The following UGGT2 variants were observed in gnomAD, a reference collection of about 807,000 sequenced individuals.
The protein encoded by UGGT2 is UDP-glucose glycoprotein glucosyltransferase 2.
Under a neutral mutation model 192.1 loss-of-function variants are expected in UGGT2, and 180 were observed. The observed-to-expected ratio is 0.94, with a 90% CI of 0.83 to 1.06. The LOEUF (loss-of-function observed/expected upper bound fraction) is 1.06. Among genes scored for constraint, UGGT2 ranks in the 50% least tolerant of loss-of-function variants. UGGT2 has a pLI of 0.00. For synonymous variants in UGGT2, 580 were observed against 591.0 expected (o/e 0.98, Z 0.27); for missense variants, 1,849 against 1,795.7 (o/e 1.03, Z -0.54).
At chr13:96,029,301 T>C (rs747310568) in intron 2 of UGGT2, among the ~76,000 whole-genome samples, 1 of 152,222 alleles carries the variant, frequency 6.6e-6, no homozygotes, top group Non-Finnish European at 1.5e-5. Context: ...TTATTTATTT[T>C]TTTGAGTCAG....
At chr13:95,915,415 C>T (rs2048650441) in intron 20 of UGGT2, among the ~76,000 whole-genome samples, 1 of 152,290 alleles carries the variant, frequency 6.6e-6, no homozygotes, top group South Asian at 2.1e-4. Flanking sequence ...TGCACGCTAC[C>T]CCTGCTAAAA....
chr13:95,882,401 G>C (rs954299301), intron 27 of UGGT2, among the ~76,000 whole-genome samples: 1 of 152,142 alleles, frequency 6.6e-6, no homozygotes, highest in African/African-American at 2.4e-5. Context: ...TTAGTATATG[G>C]TGGTAAATCT....
At chr13:95,960,760 T>A (rs939903608) in intron 12 of UGGT2, among the ~76,000 whole-genome samples, 2 of 152,112 alleles carry the variant, frequency 1.3e-5, no homozygotes, top group South Asian at 4.1e-4. Flanking sequence ...ACTGTCAAAA[T>A]TTAAAGAGAA....
intron 14 of UGGT2, among the ~76,000 whole-genome samples, chr13:95,947,580 A>G (rs1424386536): frequency 3.3e-5 from 5 of 151,876 alleles, no homozygotes; most frequent in Admixed American, 3.3e-4. Context: ...GCCTCCAGGT[A>G]GCTGGGACTA....
intron 19 of UGGT2, 92 bp from the exon 20 acceptor site, chr13:95,925,866 A>T: frequency 1.3e-6 from 1 of 766,838 alleles, no homozygotes; most frequent in Non-Finnish European, 1.9e-6. Flanking sequence ...CATTAAAAAA[A>T]ATTAAAATAA....
At chr13:95,975,026 A>G (rs948126921) in intron 10 of UGGT2, among the ~76,000 whole-genome samples, 6 of 152,192 alleles carry the variant, frequency 3.9e-5, no homozygotes, top group Non-Finnish European at 2.9e-5. Context: ...GGTTGCAGTG[A>G]GCTGAGATCG....
intron 15 of UGGT2, among the ~76,000 whole-genome samples, chr13:95,943,331 T>G (rs1404783724): frequency 6.6e-6 from 1 of 152,032 alleles, no homozygotes; most frequent in East Asian, 1.9e-4. Context: ...ATAAACATGG[T>G]AGAGCTTTTC....
At chr13:95,935,071 G>A (rs972062356) in intron 17 of UGGT2, among the ~76,000 whole-genome samples, 2 of 151,184 alleles carry the variant, frequency 1.3e-5, no homozygotes, top group East Asian at 1.9e-4. Flanking sequence ...TGTTTTGTTT[G>A]CATGATAATT....
intron 9 of UGGT2, chr13:95,985,246 T>A (rs1041944519): frequency 8.1e-7 from 1 of 1,235,160 alleles, no homozygotes; most frequent in East Asian, 4.9e-5. Context: ...CACCCATATA[T>A]ATTTCATGTT....
intron 22 of UGGT2, among the ~76,000 whole-genome samples, chr13:95,897,223 T>C (rs1430441964): frequency 6.6e-6 from 1 of 152,054 alleles, no homozygotes; most frequent in East Asian, 1.9e-4. Flanking sequence ...ATTCTCATTG[T>C]CCAAATGAAG....
At chr13:95,971,943 C>T (rs576790850) in intron 11 of UGGT2, among the ~76,000 whole-genome samples, 1 of 152,176 alleles carries the variant, frequency 6.6e-6, no homozygotes, top group African/African-American at 2.4e-5. Context: ...AACTGAACAT[C>T]TGAATTAAAG....
At chr13:95,806,604 T>C (rs1884319948) in intron 38 of UGGT2, among the ~76,000 whole-genome samples, 1 of 151,756 alleles carries the variant, frequency 6.6e-6, no homozygotes, top group African/African-American at 2.4e-5. Context: ...AAAACAATTT[T>C]AAAAAGAAAA....
intron 4 of UGGT2, among the ~76,000 whole-genome samples, chr13:96,016,875 C>G (rs1316340050): frequency 6.6e-6 from 1 of 152,182 alleles, no homozygotes; most frequent in Non-Finnish European, 1.5e-5. Context: ...CAACCCCAAC[C>G]CATGACAGCA....
chr13:95,879,342 CT>C (rs1369037681), intron 27 of UGGT2, among the ~76,000 whole-genome samples: 1 of 152,254 alleles, frequency 6.6e-6, no homozygotes, highest in East Asian at 1.9e-4. Context: ...TAGCCAATTC[CT>C]TTTCCAAAGA....
At position 95,895,211 on chromosome 13, in the gene UGGT2, T is replaced by C. The variant is rs767893618; in HGVS notation, c.2728A>G (p.Ile910Val). 7.6e-6 allele frequency: 12 copies of C among 1,586,434 alleles called. No individual in the cohort carries two copies. The highest frequency in any genetic ancestry group is 9.4e-6 in the Non-Finnish European group (11 of 1,172,176). ...GCGTTGATTCCCATATTTTCAACAA[T>C]GCCTTTAATTTTCTCTCCTAAATTA... Reference protein sequence around the residue: ...FSNLGEKIKGIVENMGINANN... With the variant: ...FSNLGEKIKGVVENMGINANN... Residue 910 changes from isoleucine to valine, a missense_variant, in exon 23 of 39, where the codon ATT (isoleucine) becomes GTT (valine). Physicochemically the swap from Ile to Val is conservative, Grantham distance 29 (BLOSUM62 3). Coordinates refer to ENST00000376747, the MANE Select transcript of UGGT2 (RefSeq NM_020121.4).
At chr13:95,841,682 A>T (rs1483957200) in intron 36 of UGGT2, among the ~76,000 whole-genome samples, 1 of 152,218 alleles carries the variant, frequency 6.6e-6, no homozygotes, top group East Asian at 1.9e-4. Context: ...TAAAGCATAC[A>T]AGTCTTTAAA....
chr13:95,994,630 C>T (rs540635228), intron 7 of UGGT2, among the ~76,000 whole-genome samples: 1 of 151,800 alleles, frequency 6.6e-6, no homozygotes, highest in Admixed American at 6.6e-5. Context: ...TATTTTTTCT[C>T]TCCAAATTTA....
chr13:95,869,141 G>T lies in UGGT2; in HGVS notation c.3474-1718C>A, dbSNP rs529111361. On this transcript the variant is annotated intron_variant, in intron 29 of 38. Transcript: ENST00000376747. The stretch of plus-strand genomic sequence containing the variant: ...ATGAGTGAGAACATGGCGGTGTTTG[G>T]TTTTTTTGTCCTTGCGATAGTTTGC... Among the ~76,000 whole-genome samples, 1,427 of 151,202 alleles carry T rather than the reference G, an allele frequency of 9.4e-3. 26 individuals are homozygous for T. The highest frequency in any genetic ancestry group is 0.033 in the African/African-American group (1,358 of 41,142).
chr13:95,837,309 T>A, intron 36 of UGGT2, 107 bp from the exon 37 acceptor site: 1 of 754,342 alleles, frequency 1.3e-6, no homozygotes. Context: ...TCATAAAACA[T>A]ATGCAAATCT....
Sources: gnomAD v4.1 joint callset for allele counts (sites outside exome capture counted in the v4.1 genomes callset) on GRCh38, gnomAD v4.1.1 for gene constraint, MANE v1.5 for transcripts, NCBI Gene and HGNC (gene_info 2026-07-23, HGNC 2026-07-21) for gene names.